MANBAL: variants seen among roughly 807,000 people sequenced by gnomAD.
MANBAL encodes the protein protein MANBAL.
Under a neutral mutation model 6.4 loss-of-function variants are expected in MANBAL, and 1 was observed. The observed-to-expected ratio is 0.16, with a 90% CI of 0.06 to 0.74. MANBAL has a LOEUF of 0.74. Among genes scored for constraint, MANBAL ranks in the 30% least tolerant of loss-of-function variants. The pLI is 0.78. For missense variants in MANBAL, 100 were observed against 107.8 expected (o/e 0.93, Z 0.32); for synonymous variants, 47 against 45.8 (o/e 1.03, Z -0.10).
At chr20:37,290,421 C>T (rs970110399) in intron 1 of MANBAL, among the ~76,000 whole-genome samples, 5 of 150,222 alleles carry the variant, frequency 3.3e-5, no homozygotes, top group Non-Finnish European at 7.4e-5. Context: ...TGCCATAAAG[C>T]GGTAACTTCT....
At position 37,301,381 on chromosome 20, in the gene MANBAL, A is replaced by G; in HGVS notation, c.118A>G (p.Ile40Val). Residue 40 changes from isoleucine to valine, a missense_variant, in exon 2 of 3, where the codon ATC becomes GTC. Physicochemically the swap from Ile to Val is conservative, Grantham distance 29. Coordinates refer to ENST00000373606, the MANE Select transcript of MANBAL (RefSeq NM_001003897.2). ...CTTCCAGCTCATCTGTGTGCTGGCC[A>G]TCATCGTACCCATTCCCAAGTCCCA... ...AIFQLICVLA[I>V]IVPIPKSHEA... is the part of the protein sequence containing the mutation. 2 of 1,613,210 alleles carry G rather than the reference A, an allele frequency of 1.2e-6. No homozygotes were observed. The highest frequency in any genetic ancestry group is 1.7e-6 in the Non-Finnish European group (2 of 1,179,430).
chr20:37,309,319 A>AGTCTCATGT (rs1291482632), intron 2 of MANBAL, among the ~76,000 whole-genome samples: 6 of 152,178 alleles, frequency 3.9e-5, no homozygotes, highest in Admixed American at 3.3e-4. Context: ...GTCTCATGGA[A>AGTCTCATGT]GGCCTCTCCT....
At chr20:37,291,747 A>G (rs1378863681) in intron 1 of MANBAL, among the ~76,000 whole-genome samples, 3 of 152,120 alleles carry the variant, frequency 2.0e-5, no homozygotes, top group Non-Finnish European at 4.4e-5. Context: ...CTGATAGTGA[A>G]TAAGTCTCAG....
Position 37,292,335 on chromosome 20 carries a change from G to A in MANBAL, c.-57+2649G>A, listed in dbSNP as rs371792779. 6.4e-4 allele frequency among the ~76,000 whole-genome samples: 97 copies of A among 152,182 alleles called. 1 individual carries two copies. The highest frequency in any genetic ancestry group is 2.0e-3 in the African/African-American group (85 of 41,508). Reference sequence around the variant, plus strand: ...GTTTTGTTTTGAGACAGGGTCTCCCGCTGTCGCCCAGGCTGGAGTGCAGTG... The same window carrying A: ...GTTTTGTTTTGAGACAGGGTCTCCCACTGTCGCCCAGGCTGGAGTGCAGTG... On this transcript the variant is annotated intron_variant, in intron 1 of 2. Coordinates refer to ENST00000373606, the MANE Select transcript of MANBAL (RefSeq NM_001003897.2).
At chr20:37,295,783 G>A (rs752206904) in intron 1 of MANBAL, among the ~76,000 whole-genome samples, 5 of 152,198 alleles carry the variant, frequency 3.3e-5, no homozygotes, top group Non-Finnish European at 5.9e-5. Flanking sequence ...ACACCTGGCC[G>A]TTCATTTGCC....
At chr20:37,297,086 A>C (rs767226359) in intron 1 of MANBAL, 1 of 152,246 alleles carries the variant, frequency 6.6e-6, no homozygotes, top group African/African-American at 2.4e-5. Context: ...TATGAGGTGC[A>C]ACTGCGGAGA....
intron 2 of MANBAL, among the ~76,000 whole-genome samples, chr20:37,307,590 C>G (rs183709480): frequency 6.6e-6 from 1 of 151,990 alleles, no homozygotes; most frequent in African/African-American, 2.4e-5. Flanking sequence ...AACCCTGTCT[C>G]TACTAAAAAT....
intron 2 of MANBAL, among the ~76,000 whole-genome samples, chr20:37,312,187 C>T (rs2069405639): frequency 6.6e-6 from 1 of 152,172 alleles, no homozygotes; most frequent in Non-Finnish European, 1.5e-5. Flanking sequence ...AGAAGACTCC[C>T]TTCAGCTGTA....
rs372043631 is a variant in MANBAL, at chr20:37,294,597, C to T, written c.-57+4911C>T. Among the ~76,000 whole-genome samples the T allele has an allele frequency of 2.0e-5, 3 of 152,346 alleles. No homozygotes were observed. In the East Asian group the frequency reaches 5.8e-4, roughly 29 times the overall value. On this transcript the variant is annotated intron_variant, in intron 1 of 2. Coordinates refer to ENST00000373606, the MANE Select transcript of MANBAL (RefSeq NM_001003897.2). ...CCTCAGGGACTTGGCCCTTGCCGTCCCTCCATCCTGGGATACTCTGGCAGA... is the reference window on the plus strand; with the variant it reads ...CCTCAGGGACTTGGCCCTTGCCGTCTCTCCATCCTGGGATACTCTGGCAGA...
At position 37,292,290 on chromosome 20, in the gene MANBAL, C is replaced by T. The variant is rs919549582; in HGVS notation, c.-57+2604C>T. On this transcript the variant is annotated intron_variant, in intron 1 of 2. Transcript: ENST00000373606. ...TGCTTACAGAGTCATATATTTGTAT[C>T]GGTGTGAACTCATGGATTTGTTTTG... is the stretch of plus-strand genomic sequence containing the variant. Among the ~76,000 whole-genome samples the T allele has an allele frequency of 3.9e-5, 6 of 152,126 alleles. 1 individual carries two copies. The highest frequency in any genetic ancestry group is 1.2e-4 in the African/African-American group (5 of 41,432).
At chr20:37,299,177 A>G (rs1213508626) in intron 1 of MANBAL, among the ~76,000 whole-genome samples, 5 of 151,842 alleles carry the variant, frequency 3.3e-5, no homozygotes, top group African/African-American at 1.2e-4. Context: ...TCCTGGGCTC[A>G]AGTGATCCTC....
At chr20:37,302,360 A>G (rs2146807119) in intron 2 of MANBAL, 2 of 1,549,242 alleles carry the variant, frequency 1.3e-6, no homozygotes, top group East Asian at 2.4e-5. Flanking sequence ...TGTACTCCCT[A>G]CTGTGTGGCA....
chr20:37,303,064 C>A (rs1202472310), intron 2 of MANBAL, among the ~76,000 whole-genome samples: 1 of 152,172 alleles, frequency 6.6e-6, no homozygotes, highest in Non-Finnish European at 1.5e-5. Flanking sequence ...AGGTGTGCCA[C>A]CATGGCTGGC....
chr20:37,304,823 C>T (rs775642102), intron 2 of MANBAL, among the ~76,000 whole-genome samples: 4 of 152,048 alleles, frequency 2.6e-5, no homozygotes, highest in African/African-American at 4.8e-5. Context: ...TCAAAAAAGC[C>T]GGTGGATTTA....
intron 2 of MANBAL, among the ~76,000 whole-genome samples, chr20:37,303,296 G>A (rs2069179776): frequency 6.6e-6 from 1 of 152,008 alleles, no homozygotes; most frequent in Non-Finnish European, 1.5e-5. Flanking sequence ...CTAGAAAATA[G>A]TATCTAGAGG....
chr20:37,292,060 G>A lies in MANBAL; in HGVS notation c.-57+2374G>A, dbSNP rs578228927. Among the ~76,000 whole-genome samples the A allele has an allele frequency of 6.6e-5, 10 of 152,316 alleles. No individual in the cohort carries two copies. In the East Asian group the frequency reaches 1.7e-3, roughly 26 times the overall value. On this transcript the variant is annotated intron_variant, in intron 1 of 2. Transcript: ENST00000373606. ...TCATTGTTGACATCTGTTAGCTTGA[G>A]CCACCTGGCTTGAGGTAGTAGTCAG...
rs148490296 is a variant in MANBAL at position 37,307,996 on chromosome 20, C to T, written c.150+6583C>T. Among the ~76,000 whole-genome samples, 1,108 of 152,324 alleles carry T rather than the reference C, an allele frequency of 7.3e-3. 4 individuals carry two copies. The highest frequency in any genetic ancestry group is 0.012 in the Non-Finnish European group (800 of 68,026). The stretch of plus-strand genomic sequence containing the variant: ...AAGTGGTGGGAACTGGGACTTACTG[C>T]TCCTCACTGGCATGCCCTCTGCCTC... On this transcript the variant is annotated intron_variant, in intron 2 of 2. Coordinates refer to ENST00000373606, the MANE Select transcript of MANBAL (RefSeq NM_001003897.2).
chr20:37,301,554 G>T, intron 2 of MANBAL, 141 bp downstream of exon 2: 1 of 944,290 alleles, frequency 1.1e-6, no homozygotes, highest in Non-Finnish European at 1.5e-6. Context: ...TTTCCACCTG[G>T]TGGGTTGAAC....
At position 37,316,426 on chromosome 20, in the gene MANBAL, C is replaced by T. The variant is rs756725791; in HGVS notation, c.*11C>T. The T allele has an allele frequency of 1.2e-6, 2 of 1,609,642 alleles. No individual in the cohort carries two copies. Among genetic ancestry groups the T allele is most frequent in the South Asian group, 2.2e-5 (2 of 90,890 alleles). On this transcript the variant is annotated 3_prime_UTR_variant, in exon 3 of 3. Coordinates refer to ENST00000373606, the MANE Select transcript of MANBAL (RefSeq NM_001003897.2). ...AAGAAGAAGCGGTAGAAGAGGAGGC[C>T]TGAGGAGCTGGGCGGGCAGGGAGAG...
Sources: allele counts gnomAD v4.1 joint callset (sites outside exome capture counted in the v4.1 genomes callset), GRCh38; gene constraint gnomAD v4.1.1; transcripts MANE v1.5; gene names NCBI Gene and HGNC (gene_info 2026-07-23, HGNC 2026-07-21).